The following SH3KBP1 variants were observed in gnomAD, a reference collection of about 807,000 sequenced individuals.
SH3KBP1 encodes the protein SH3 domain-containing kinase-binding protein 1.
Under a neutral mutation model 50.1 loss-of-function variants are expected in SH3KBP1, and 8 were observed. The observed-to-expected ratio is 0.16, with a 90% CI of 0.09 to 0.29. SH3KBP1 has a LOEUF of 0.29. Ranked by LOEUF, SH3KBP1 falls within the 10% of genes least tolerant of loss-of-function variation. The probability of loss-of-function intolerance (pLI) is 1.00; values close to 1 mark genes in which losing one functional copy is unlikely to be tolerated. For synonymous variants in SH3KBP1, 227 were observed against 218.6 expected (o/e 1.04, Z -0.34); for missense variants, 377 against 535.2 (o/e 0.70, Z 2.92).
intron 2 of SH3KBP1, among the ~76,000 whole-genome samples, chrX:19,749,017 A>T (rs1379321189): frequency 8.9e-6 from 1 of 112,628 alleles, no homozygotes; most frequent in Non-Finnish European, 1.9e-5. Context: ...GAAAACATAC[A>T]AGTGGCTAAT....
chrX:19,699,984 C>T (rs779926806), intron 4 of SH3KBP1, among the ~76,000 whole-genome samples: 1 of 111,752 alleles, frequency 8.9e-6, no homozygotes, highest in South Asian at 3.7e-4. Flanking sequence ...AGTAGCAAGA[C>T]AGAAAAAGTT....
chrX:19,652,698 T>C (rs1165537418), intron 6 of SH3KBP1, among the ~76,000 whole-genome samples: 3 of 112,226 alleles, frequency 2.7e-5, no homozygotes, highest in Non-Finnish European at 5.6e-5. Context: ...TATTCCAAAC[T>C]TACCTGACTA....
chrX:19,670,512 G>T, intron 6 of SH3KBP1: 1 of 240,526 alleles, frequency 4.2e-6, no homozygotes, highest in Non-Finnish European at 5.9e-6. Flanking sequence ...TGTGCAAACT[G>T]CCCATCTAAA....
chrX:19,675,513 T>C (rs1228042819), intron 6 of SH3KBP1, among the ~76,000 whole-genome samples: 2 of 110,035 alleles, frequency 1.8e-5, no homozygotes, highest in African/African-American at 6.7e-5. Flanking sequence ...CAAGCGATTC[T>C]CCTGCCTCAG....
chrX:19,628,869 C>T (rs1192465933), intron 8 of SH3KBP1, among the ~76,000 whole-genome samples: 1 of 110,813 alleles, frequency 9.0e-6, no homozygotes, highest in Non-Finnish European at 1.9e-5. Context: ...GGCTGAGGCG[C>T]GTGGATCACT....
intron 3 of SH3KBP1, among the ~76,000 whole-genome samples, chrX:19,723,838 G>A (rs778858426): frequency 9.0e-6 from 1 of 111,395 alleles, no homozygotes; most frequent in South Asian, 3.9e-4. Context: ...AGATGATTGT[G>A]TGGGGATCAG....
intron 2 of SH3KBP1, among the ~76,000 whole-genome samples, chrX:19,764,738 A>G (rs1205609747): frequency 9.1e-6 from 1 of 110,435 alleles, no homozygotes; most frequent in African/African-American, 3.3e-5. Flanking sequence ...GTAGTGTTAA[A>G]GATGGCCACT....
intron 1 of SH3KBP1, 26 bp downstream of exon 1, chrX:19,887,281 C>G: frequency 1.0e-6 from 1 of 976,483 alleles, no homozygotes. Flanking sequence ...GAAGTGGACG[C>G]CCGGACGCGG....
Position 19,887,343 on chromosome X carries a change from C to T in SH3KBP1, c.-33G>A. 1 of 969,660 alleles carries T rather than the reference C, an allele frequency of 1.0e-6. No individual in the cohort carries two copies. The highest frequency in any genetic ancestry group is 1.3e-6 in the Non-Finnish European group (1 of 771,484). 79.9% of individuals were successfully genotyped at this position (969,660 alleles called of 1,213,427 possible). A position where few individuals can be genotyped will look rare whatever the true frequency, so the allele number is the denominator to read the frequency against. ...GAGCCGGGCCGGGCCGCCGAGGCAG[C>T]GTGAAAGTTGGCGGAGGCGGGCGTG... On this transcript the variant is annotated 5_prime_UTR_variant, in exon 1 of 18. Coordinates refer to ENST00000397821, the MANE Select transcript of SH3KBP1 (RefSeq NM_031892.3).
chrX:19,772,594 T>A (rs2065822522), intron 2 of SH3KBP1, among the ~76,000 whole-genome samples: 2 of 111,061 alleles, frequency 1.8e-5, no homozygotes, highest in South Asian at 7.6e-4. Context: ...AACATGAAAA[T>A]TAACTGGAGC....
chrX:19,592,078 G>A lies in SH3KBP1; in HGVS notation c.1127C>T (p.Thr376Ile), dbSNP rs1186880252. ...PERPEMLPNR[T>I]EEKERPEREP... ...AATTGATTTCATACCTTTTTCTTCT[G>A]TTCTGTTTGGAAGCATTTCTGGTCT... Residue 376 changes from threonine to isoleucine, a missense_variant, in exon 11 of 18, where the codon ACA (threonine) becomes ATA (isoleucine). Coordinates refer to ENST00000397821, the MANE Select transcript of SH3KBP1 (RefSeq NM_031892.3). 1 of 1,200,050 alleles carries A rather than the reference G, an allele frequency of 8.3e-7. No individual in the cohort carries two copies. The highest frequency in any genetic ancestry group is 1.1e-6 in the Non-Finnish European group (1 of 886,996).
chrX:19,797,889 A>C (rs2066767245), intron 2 of SH3KBP1, among the ~76,000 whole-genome samples: 1 of 97,653 alleles, frequency 1.0e-5, no homozygotes, highest in Non-Finnish European at 2.0e-5. Flanking sequence ...AAAGTGCCCT[A>C]AACACACACA....
intron 2 of SH3KBP1, among the ~76,000 whole-genome samples, chrX:19,760,555 A>G (rs770811196): frequency 9.2e-6 from 1 of 109,148 alleles, no homozygotes; most frequent in Non-Finnish European, 1.9e-5. Flanking sequence ...CCATGGTTAC[A>G]TGCATCTGGC....
At chrX:19,859,022 A>T (rs2068720250) in intron 1 of SH3KBP1, among the ~76,000 whole-genome samples, 1 of 112,417 alleles carries the variant, frequency 8.9e-6, no homozygotes, top group Non-Finnish European at 1.9e-5. Flanking sequence ...TTCGCATATG[A>T]GGCTTTGTGT....
At chrX:19,883,526 C>T (rs2069501775) in intron 1 of SH3KBP1, among the ~76,000 whole-genome samples, 2 of 111,692 alleles carry the variant, frequency 1.8e-5, no homozygotes, top group Admixed American at 1.9e-4. Flanking sequence ...CCACTGCCTC[C>T]GATTCCCTGC....
intron 2 of SH3KBP1, among the ~76,000 whole-genome samples, chrX:19,778,248 T>C (rs901457907): frequency 7.3e-5 from 8 of 109,632 alleles, no homozygotes; most frequent in Non-Finnish European, 1.5e-4. Flanking sequence ...CTGGCCAAGA[T>C]GGTGAAACCC....
At chrX:19,673,048 A>G (rs1319798866) in intron 6 of SH3KBP1, among the ~76,000 whole-genome samples, 6 of 96,158 alleles carry the variant, frequency 6.2e-5, no homozygotes, top group Non-Finnish European at 1.2e-4. Flanking sequence ...CCTGGGCAAC[A>G]GAGCAAGATT....
At chrX:19,787,915 T>C (rs1364155644) in intron 2 of SH3KBP1, among the ~76,000 whole-genome samples, 1 of 111,241 alleles carries the variant, frequency 9.0e-6, no homozygotes. Context: ...CAGGCAGAGG[T>C]GCACAGATGG....
intron 5 of SH3KBP1, among the ~76,000 whole-genome samples, chrX:19,690,575 T>C (rs1303183223): frequency 2.7e-5 from 3 of 112,458 alleles, no homozygotes; most frequent in Non-Finnish European, 3.8e-5. Flanking sequence ...GGGACACTTT[T>C]AGTTTTACAA....
Sources: gnomAD v4.1 joint callset for allele counts (sites outside exome capture counted in the v4.1 genomes callset) on GRCh38, gnomAD v4.1.1 for gene constraint, MANE v1.5 for transcripts, NCBI Gene and HGNC (gene_info 2026-07-23, HGNC 2026-07-21) for gene names.